Variants in UGT1A8 observed in about 807,000 individuals in gnomAD.
UGT1A8 encodes UDP glucuronosyltransferase family 1 member A8.
In UGT1A8, 39 loss-of-function variants were observed where a neutral mutation model predicts 45.3. That is an observed-to-expected ratio of 0.86 (90% CI 0.67 to 1.12). The LOEUF is 1.12. UGT1A8 is among the 50% of genes most tolerant of loss of function. UGT1A8 has a pLI of 0.00. For missense variants in UGT1A8, 719 were observed against 664.9 expected (o/e 1.08, Z -0.90); for synonymous variants, 275 against 249.2 (o/e 1.10, Z -0.97).
In UGT1A8 at chr2:233,725,264, G is replaced by GGCA. The variant is rs1216362118; in HGVS notation, c.856-41769_856-41768insCAG. Among the ~76,000 whole-genome samples the GGCA allele has an allele frequency of 1.9e-4, 11 of 58,536 alleles. 1 individual carries two copies. The highest frequency in any genetic ancestry group is 1.2e-3 in the African/African-American group (9 of 7,624). 38.4% of individuals were successfully genotyped at this position (58,536 alleles called of 152,430 possible). On this transcript the variant is annotated intron_variant, in intron 1 of 4. Transcript: ENST00000373450. ...CAGAGGCAGAGGAGGCAGAGGCAGA[G>GGCA]GAGGCAGAGGCAGAGGCAGAGGCAG...
chr2:233,768,189 C>T, intron 3 of UGT1A8, 31 bp from the exon 4 acceptor site: 1 of 1,614,040 alleles, frequency 6.2e-7, no homozygotes. Flanking sequence ...AGAGATGTAA[C>T]TGCTGACATC....
At chr2:233,672,725 C>T (rs2074238517) in intron 1 of UGT1A8, 6 of 1,613,914 alleles carry the variant, frequency 3.7e-6, no homozygotes, top group Non-Finnish European at 5.1e-6. Context: ...TATCCCAAAC[C>T]CGTGATGCCC....
intron 1 of UGT1A8, chr2:233,637,439 C>A: frequency 1.3e-6 from 2 of 1,529,222 alleles, no homozygotes; most frequent in Admixed American, 2.2e-5. Flanking sequence ...AAAAAGGATT[C>A]CTTACTGAAC....
Position 233,773,149 on chromosome 2 carries a change from G to A in UGT1A8, c.*590G>A, listed in dbSNP as rs1700568248. On this transcript the variant is annotated 3_prime_UTR_variant, in exon 5 of 5. Coordinates refer to ENST00000373450, the MANE Select transcript of UGT1A8 (RefSeq NM_019076.5). ...AAGAATGATGCTATGAAATTGGTGG[G>A]TGGTGTATTTGAGAAGATAATCATT... 1 of 154,230 alleles carries A rather than the reference G, an allele frequency of 6.5e-6. No individual in the cohort carries two copies. The highest frequency in any genetic ancestry group is 6.4e-5 in the Admixed American group (1 of 15,708). The allele number at this position is 154,230 out of a possible 1,614,324, so 9.6% of individuals were successfully genotyped here.
intron 1 of UGT1A8, among the ~76,000 whole-genome samples, chr2:233,654,530 C>T (rs1473661760): frequency 6.6e-6 from 1 of 152,160 alleles, no homozygotes; most frequent in South Asian, 2.1e-4. Flanking sequence ...ACGTTTTCTG[C>T]AGTTGATTAT....
intron 1 of UGT1A8, among the ~76,000 whole-genome samples, chr2:233,629,850 CT>C (rs2073155237): frequency 6.6e-6 from 1 of 152,114 alleles, no homozygotes; most frequent in Admixed American, 6.6e-5. Flanking sequence ...TGTGACAAGT[CT>C]GGCAGTTTGT....
At chr2:233,675,498 G>A (rs544445095) in intron 1 of UGT1A8, among the ~76,000 whole-genome samples, 2 of 152,262 alleles carry the variant, frequency 1.3e-5, no homozygotes, top group Admixed American at 6.5e-5. Context: ...GTGGGATATG[G>A]TTACAGATAA....
In UGT1A8 at chr2:233,729,768, G is replaced by C. The variant is rs559236569; in HGVS notation, c.856-37266G>C. Reference sequence around the variant, plus strand: ...CATTCATGCAAAGGGTCAAGAACATGCTCTACCCTCTGGCCCTGTCCTACA... The same window carrying C: ...CATTCATGCAAAGGGTCAAGAACATCCTCTACCCTCTGGCCCTGTCCTACA... On this transcript the variant is annotated intron_variant, in intron 1 of 4. Coordinates refer to ENST00000373450, the MANE Select transcript of UGT1A8 (RefSeq NM_019076.5). The C allele has an allele frequency of 1.9e-6, 3 of 1,613,956 alleles. No individual in the cohort carries two copies. The highest frequency in any genetic ancestry group is 3.3e-5 in the Admixed American group (2 of 60,020).
chr2:233,744,344 C>T (rs1692781957), intron 1 of UGT1A8, among the ~76,000 whole-genome samples: 1 of 151,964 alleles, frequency 6.6e-6, no homozygotes, highest in South Asian at 2.1e-4. Flanking sequence ...CTGACTGGGG[C>T]TGAAGACATC....
At chr2:233,664,302 G>A (rs1347603945) in intron 1 of UGT1A8, among the ~76,000 whole-genome samples, 1 of 152,046 alleles carries the variant, frequency 6.6e-6, no homozygotes, top group Non-Finnish European at 1.5e-5. Flanking sequence ...CTCTTCAAAC[G>A]TCTGCCTGCT....
intron 1 of UGT1A8, chr2:233,743,649 C>A (rs754713764): frequency 5.1e-6 from 7 of 1,367,168 alleles, no homozygotes; most frequent in Admixed American, 1.9e-5. Context: ...AAGCTGAAGA[C>A]GTACTCGAAG....
chr2:233,686,539 C>A (rs905637475), intron 1 of UGT1A8, among the ~76,000 whole-genome samples: 1 of 152,110 alleles, frequency 6.6e-6, no homozygotes, highest in Non-Finnish European at 1.5e-5. Flanking sequence ...CCTAACCTTT[C>A]CGTGGCTTTC....
intron 1 of UGT1A8, among the ~76,000 whole-genome samples, chr2:233,700,725 T>A (rs1022993283): frequency 6.6e-6 from 1 of 152,160 alleles, no homozygotes; most frequent in Non-Finnish European, 1.5e-5. Flanking sequence ...TTTTTAAAAA[T>A]TTTATTATTA....
chr2:233,767,002 A>C, intron 1 of UGT1A8, 32 bp from the exon 2 acceptor site: 2 of 1,613,784 alleles, frequency 1.2e-6, no homozygotes, highest in Non-Finnish European at 1.7e-6. Flanking sequence ...ATATGAGAAA[A>C]AATTAACTGA....
At chr2:233,648,791 T>A in intron 1 of UGT1A8, 2 of 895,394 alleles carry the variant, frequency 2.2e-6, no homozygotes, top group Non-Finnish European at 1.7e-6. Context: ...AAGGAGAGAG[T>A]AAGGAACCAC....
At chr2:233,672,490 C>T (rs2074228954) in intron 1 of UGT1A8, 2 of 1,613,940 alleles carry the variant, frequency 1.2e-6, no homozygotes, top group Non-Finnish European at 1.7e-6. Flanking sequence ...GTGCCCTGCT[C>T]CTCTTTCCTA....
intron 1 of UGT1A8, among the ~76,000 whole-genome samples, chr2:233,619,315 A>G (rs1043863531): frequency 2.0e-5 from 3 of 152,146 alleles, no homozygotes; most frequent in African/African-American, 7.2e-5. Context: ...TTTGGATGCT[A>G]TGTAGTTTTT....
intron 1 of UGT1A8, chr2:233,672,017 T>G (rs775685755): frequency 6.2e-7 from 1 of 1,614,158 alleles, no homozygotes; most frequent in South Asian, 1.1e-5. Flanking sequence ...GCAGGGAAGC[T>G]ACTGGTAGTG....
intron 1 of UGT1A8, among the ~76,000 whole-genome samples, chr2:233,757,561 T>C (rs1218840720): frequency 8.3e-6 from 1 of 121,180 alleles, no homozygotes; most frequent in Non-Finnish European, 1.7e-5. Context: ...TATATATATA[T>C]GTATATATGA....
Sources: gnomAD v4.1 joint callset for allele counts (sites outside exome capture counted in the v4.1 genomes callset) on GRCh38, gnomAD v4.1.1 for gene constraint, MANE v1.5 for transcripts, NCBI Gene and HGNC (gene_info 2026-07-23, HGNC 2026-07-21) for gene names.